TMEM175: variants seen among roughly 807,000 people sequenced by gnomAD.
The protein encoded by TMEM175 is endosomal/lysosomal proton channel TMEM175.
In TMEM175, 36 loss-of-function variants were observed where a neutral mutation model predicts 36.5. The ratio of observed to expected loss-of-function variants is 0.99; its 90% CI spans 0.76 to 1.30. The LOEUF is 1.30. Among genes scored for constraint, TMEM175 ranks in the 50% most tolerant of loss-of-function variants. TMEM175 has a pLI of 0.00. For synonymous variants in TMEM175, 339 were observed against 313.4 expected (o/e 1.08, Z -0.86); for missense variants, 705 against 692.8 (o/e 1.02, Z -0.20).
Position 954,633 on chromosome 4 carries a change from T to C in TMEM175, c.628-772T>C, listed in dbSNP as rs183753141. ...CACGTGTCTCTTCAGATCTGTCTTC[T>C]CAGGCTGTTGGTGTGTGTGCCCACA... On this transcript the variant is annotated intron_variant, in intron 8 of 10. Transcript: ENST00000264771. 1.3e-3 allele frequency among the ~76,000 whole-genome samples: 205 copies of C among 152,324 alleles called. 1 individual carries two copies. The highest frequency in any genetic ancestry group is 4.7e-3 in the African/African-American group (194 of 41,582).
intron 1 of TMEM175, among the ~76,000 whole-genome samples, chr4:935,479 A>G (rs892698887): frequency 2.6e-5 from 4 of 151,666 alleles, no homozygotes; most frequent in African/African-American, 9.6e-5. Flanking sequence ...AAAAGACTTG[A>G]TAATCCTAAA....
chr4:950,326 G>C (rs1184980147), intron 3 of TMEM175, 95 bp from the exon 4 acceptor site: 38 of 1,046,862 alleles, frequency 3.6e-5, no homozygotes, highest in Non-Finnish European at 5.5e-5. Flanking sequence ...CCCTGCCCTG[G>C]GCCGAGGCCA....
intron 2 of TMEM175, 37 bp downstream of exon 2, chr4:947,929 C>A: frequency 1.2e-6 from 2 of 1,613,540 alleles, no homozygotes; most frequent in East Asian, 2.2e-5. Flanking sequence ...TGCCCCACCC[C>A]GAGCCTCTCG....
chr4:947,261 G>A (rs546374973), intron 1 of TMEM175, among the ~76,000 whole-genome samples: 2 of 143,982 alleles, frequency 1.4e-5, no homozygotes, highest in African/African-American at 2.6e-5. Context: ...GAGAGCGGGG[G>A]AGAGCGCGGC....
At chr4:941,318 A>G (rs1727458598) in intron 1 of TMEM175, among the ~76,000 whole-genome samples, 2 of 143,962 alleles carry the variant, frequency 1.4e-5, no homozygotes, top group South Asian at 2.3e-4. Context: ...AGAGGTTGCA[A>G]TGAGCCGAGA....
At chr4:948,183 T>C in intron 3 of TMEM175, 29 bp downstream of exon 3, 2 of 1,614,080 alleles carry the variant, frequency 1.2e-6, no homozygotes, top group South Asian at 1.1e-5. Context: ...CTCTGCGTGG[T>C]GTGGCCCTGC....
intron 6 of TMEM175, chr4:951,926 G>A: frequency 1.6e-6 from 1 of 614,084 alleles, no homozygotes; most frequent in Non-Finnish European, 2.9e-6. Flanking sequence ...CGATGAGGGA[G>A]TCACCGGCGC....
intron 9 of TMEM175, 82 bp downstream of exon 9, chr4:955,565 C>A (rs974397557): frequency 1.1e-4 from 164 of 1,503,544 alleles, no homozygotes; most frequent in Non-Finnish European, 1.4e-4. Context: ...GAGGGCTGTC[C>A]GTGGGCCGAG....
intron 10 of TMEM175, chr4:956,420 G>T (rs1010877492): frequency 1.6e-6 from 2 of 1,285,562 alleles, no homozygotes; most frequent in Non-Finnish European, 2.0e-6. Context: ...CGTCTCAGTC[G>T]TCACGTTTTT....
intron 10 of TMEM175, among the ~76,000 whole-genome samples, chr4:957,064 C>T (rs1348440037): frequency 2.0e-5 from 3 of 152,208 alleles, no homozygotes; most frequent in Admixed American, 6.5e-5. Flanking sequence ...AGCGTGGGGC[C>T]GGGACAGTGA....
intron 1 of TMEM175, among the ~76,000 whole-genome samples, chr4:935,013 C>A (rs1726636328): frequency 6.6e-6 from 1 of 152,036 alleles, no homozygotes; most frequent in African/African-American, 2.4e-5. Flanking sequence ...AGTAGGAAAC[C>A]CAAGATTTAA....
At chr4:951,542 T>G in intron 5 of TMEM175, 140 bp from the exon 6 acceptor site, 6 of 1,110,496 alleles carry the variant, frequency 5.4e-6, no homozygotes, top group Non-Finnish European at 6.7e-6. Context: ...CCCTGCAGGG[T>G]CTGGGGGCTG....
intron 1 of TMEM175, among the ~76,000 whole-genome samples, chr4:941,390 AAAAAAAG>A (rs1727475409): frequency 6.7e-6 from 1 of 149,976 alleles, no homozygotes; most frequent in Non-Finnish European, 1.5e-5. Context: ...AAAAAAAAAA[AAAAAAAG>A]AAACAAAACA....
chr4:949,993 G>A (rs894311399), intron 3 of TMEM175, among the ~76,000 whole-genome samples: 5 of 152,156 alleles, frequency 3.3e-5, no homozygotes, highest in African/African-American at 9.7e-5. Context: ...GTGACCTGGT[G>A]CTTTTGCCCT....
intron 1 of TMEM175, among the ~76,000 whole-genome samples, chr4:938,711 C>T (rs894701764): frequency 5.3e-5 from 8 of 152,118 alleles, no homozygotes; most frequent in African/African-American, 1.9e-4. Flanking sequence ...ATGTGCAAGA[C>T]TTATATGCTG....
Position 958,092 on chromosome 4 carries a change from G to A in TMEM175, c.1111G>A (p.Asp371Asn), listed in dbSNP as rs145061565. The change falls in exon 11 of 11, where the codon GAT becomes AAT. Residue 371 changes from aspartate (D) to asparagine (N), a missense_variant. Asp to Asn is a conservative substitution (Grantham distance 23). Coordinates refer to ENST00000264771, the MANE Select transcript of TMEM175 (RefSeq NM_032326.4). ...CTCGGCCTTCGCCCGGCAGCCCCGCGATGAGCTGGAGCGCGTGCGTGTCAG... is the reference window on the plus strand; with the variant it reads ...CTCGGCCTTCGCCCGGCAGCCCCGCAATGAGCTGGAGCGCGTGCGTGTCAG... The part of the protein sequence containing the change: ...QTSAFARQPR[D>N]ELERVRVSCT... The A allele has an allele frequency of 2.1e-5, 34 of 1,606,694 alleles. No homozygotes were observed. Among genetic ancestry groups the A allele is most frequent in the Admixed American group, 1.0e-4 (6 of 59,992 alleles).
chr4:958,611 T>C lies in TMEM175; in HGVS notation c.*115T>C. 1 of 820,276 alleles carries C rather than the reference T, an allele frequency of 1.2e-6. No individual in the cohort carries two copies. Among genetic ancestry groups the C allele is most frequent in the South Asian group, 1.8e-5 (1 of 54,126 alleles). 50.8% of individuals were successfully genotyped at this position (820,276 alleles called of 1,614,324 possible). ...CCGCAGTGGTTCTTGCGTGGCCTGG[T>C]TTTATTTTCATTGTGAAATATCATG... On this transcript the variant is annotated 3_prime_UTR_variant, in exon 11 of 11. Coordinates refer to ENST00000264771, the MANE Select transcript of TMEM175 (RefSeq NM_032326.4).
chr4:955,499 G>A lies in TMEM175; in HGVS notation c.706+16G>A. On this transcript the variant is annotated intron_variant, in intron 9 of 10. Coordinates refer to ENST00000264771, the MANE Select transcript of TMEM175 (RefSeq NM_032326.4). ...AGGCTCCTGGGTAGGTGATGACTGG[G>A]TGGGCTGGCCTGAGAGGCCTGTAGT... 6.2e-7 allele frequency: 1 copy of A among 1,612,892 alleles called. No individual in the cohort carries two copies. Among genetic ancestry groups the A allele is most frequent in the South Asian group, 1.1e-5 (1 of 91,000 alleles).
At chr4:953,874 CAG>C (rs1456083169) in intron 8 of TMEM175, among the ~76,000 whole-genome samples, 2 of 152,118 alleles carry the variant, frequency 1.3e-5, no homozygotes, top group Non-Finnish European at 2.9e-5. Context: ...TTTGTGGAGA[CAG>C]AGTCTTGCTA....
Sources: allele counts gnomAD v4.1 joint callset (sites outside exome capture counted in the v4.1 genomes callset), GRCh38; gene constraint gnomAD v4.1.1; transcripts MANE v1.5; gene names NCBI Gene and HGNC (gene_info 2026-07-23, HGNC 2026-07-21).